SLC9C1: variants seen among roughly 807,000 people sequenced by gnomAD.
SLC9C1 encodes sodium/hydrogen exchanger 10.
Under a neutral mutation model 140.9 loss-of-function variants are expected in SLC9C1, and 97 were observed. The observed-to-expected ratio is 0.69, with a 90% confidence interval of 0.58 to 0.82. The LOEUF (loss-of-function observed/expected upper bound fraction) is 0.82. Among genes scored for constraint, SLC9C1 ranks in the 40% least tolerant of loss-of-function variants. SLC9C1 has a pLI of 0.00. For missense variants in SLC9C1, 1,340 were observed against 1,389.3 expected (o/e 0.96, Z 0.56); for synonymous variants, 440 against 442.6 (o/e 0.99, Z 0.07).
intron 20 of SLC9C1, among the ~76,000 whole-genome samples, chr3:112,188,289 G>T (rs2077578249): frequency 6.6e-6 from 1 of 152,076 alleles, no homozygotes; most frequent in Non-Finnish European, 1.5e-5. Flanking sequence ...ACAACGTGCA[G>T]GTTTGTTACA....
intron 23 of SLC9C1, among the ~76,000 whole-genome samples, chr3:112,172,724 G>C (rs1016589824): frequency 1.3e-5 from 2 of 152,004 alleles, no homozygotes; most frequent in African/African-American, 4.8e-5. Flanking sequence ...ATTCTATTCT[G>C]AGTTTTTGGA....
intron 13 of SLC9C1, among the ~76,000 whole-genome samples, chr3:112,230,599 G>A (rs1363984619): frequency 2.0e-5 from 3 of 152,142 alleles, no homozygotes; most frequent in Non-Finnish European, 2.9e-5. Context: ...TACTGTTGAA[G>A]AGAGAACAAT....
chr3:112,268,660 T>A (rs2079987914), intron 7 of SLC9C1, among the ~76,000 whole-genome samples: 1 of 152,234 alleles, frequency 6.6e-6, no homozygotes, highest in African/African-American at 2.4e-5. Context: ...TCTGTTGAAT[T>A]TTCTATATGA....
intron 28 of SLC9C1, among the ~76,000 whole-genome samples, chr3:112,145,127 T>C (rs2074747997): frequency 6.6e-6 from 1 of 152,170 alleles, no homozygotes; most frequent in Non-Finnish European, 1.5e-5. Context: ...TTGAGGTGTG[T>C]CCCTTCAGTG....
intron 27 of SLC9C1, 38 bp downstream of exon 27, chr3:112,154,959 C>T: frequency 6.3e-7 from 1 of 1,581,100 alleles, no homozygotes; most frequent in Non-Finnish European, 8.6e-7. Flanking sequence ...TCTCTTTTAC[C>T]CAAAATACAA....
In SLC9C1 at chr3:112,278,727, A is replaced by G. The variant is rs1576512212; in HGVS notation, c.318+2T>C. On this transcript the variant is annotated splice_donor_variant, in intron 4 of 28. Transcript: ENST00000305815. LOFTEE classifies it high-confidence loss of function. ...ATGATATTACCAAAAAAGAATGCTT[A>G]CCTGCCAAAATAACTTTTGAAGCAT... The G allele has an allele frequency of 6.3e-7, 1 of 1,595,212 alleles. No individual in the cohort carries two copies. The highest frequency in any genetic ancestry group is 1.8e-5 in the Admixed American group (1 of 54,494).
intron 10 of SLC9C1, among the ~76,000 whole-genome samples, chr3:112,250,374 C>T (rs1340374653): frequency 2.0e-5 from 3 of 149,856 alleles, no homozygotes; most frequent in Non-Finnish European, 3.0e-5. Flanking sequence ...AATAAACATA[C>T]CTGTGCATGT....
At chr3:112,251,219 C>A (rs1175716571) in intron 10 of SLC9C1, among the ~76,000 whole-genome samples, 1 of 152,056 alleles carries the variant, frequency 6.6e-6, no homozygotes, top group Non-Finnish European at 1.5e-5. Flanking sequence ...AAACTTGACC[C>A]ACAGAGAACA....
intron 28 of SLC9C1, 106 bp from the exon 29 acceptor site, chr3:112,141,387 A>C: frequency 8.8e-7 from 1 of 1,142,382 alleles, no homozygotes; most frequent in Non-Finnish European, 1.2e-6. Flanking sequence ...TTTGACTCCC[A>C]TAAGACACAC....
intron 23 of SLC9C1, 134 bp from the exon 24 acceptor site, chr3:112,169,462 A>G (rs2077204979): frequency 1.2e-6 from 1 of 834,508 alleles, no homozygotes; most frequent in African/African-American, 1.7e-5. Context: ...ATGGAAACTT[A>G]GTAAAATGTG....
At chr3:112,156,102 C>A (rs2075120439) in intron 26 of SLC9C1, among the ~76,000 whole-genome samples, 2 of 151,862 alleles carry the variant, frequency 1.3e-5, no homozygotes, top group African/African-American at 2.4e-5. Flanking sequence ...GAACTTTTCC[C>A]CTCTAACTGT....
chr3:112,217,162 A>G (rs1347482121), intron 15 of SLC9C1, among the ~76,000 whole-genome samples: 1 of 152,012 alleles, frequency 6.6e-6, no homozygotes, highest in Non-Finnish European at 1.5e-5. Flanking sequence ...CAATGAGAAC[A>G]CTTGGACACA....
chr3:112,164,768 G>A (rs1443554676), intron 26 of SLC9C1, among the ~76,000 whole-genome samples: 2 of 151,720 alleles, frequency 1.3e-5, no homozygotes, highest in Admixed American at 6.6e-5. Context: ...TGCTCTTCTT[G>A]AGGAGTATCT....
intron 25 of SLC9C1, among the ~76,000 whole-genome samples, 163 bp downstream of exon 25, chr3:112,168,714 G>A (rs938446406): frequency 1.1e-4 from 17 of 152,332 alleles, no homozygotes; most frequent in African/African-American, 4.1e-4. Flanking sequence ...GTGGGCCTAT[G>A]TGGGTGTGGT....
intron 2 of SLC9C1, among the ~76,000 whole-genome samples, chr3:112,281,724 TAAG>T (rs1463500789): frequency 6.6e-6 from 1 of 152,212 alleles, no homozygotes; most frequent in Non-Finnish European, 1.5e-5. Flanking sequence ...TCTGAAGCAT[TAAG>T]AAGAATAAGA....
chr3:112,157,048 T>C (rs2075145245), intron 26 of SLC9C1, among the ~76,000 whole-genome samples: 1 of 152,158 alleles, frequency 6.6e-6, no homozygotes, highest in Non-Finnish European at 1.5e-5. Flanking sequence ...TTGTTTATTT[T>C]GGCTTTGGTT....
chr3:112,141,403 C>A lies in SLC9C1; in HGVS notation c.3525-122G>T. ...TTGACTCCCATAAGACACACTTGGT[C>A]ATTTTTGTTAAGGCCAAGGAAGGAA... On this transcript the variant is annotated intron_variant, in intron 28 of 28. Transcript: ENST00000305815. The A allele has an allele frequency of 4.1e-6, 4 of 971,724 alleles. No homozygotes were observed. In the South Asian group the frequency reaches 7.2e-5, roughly 18 times the overall value. The allele number at this position is 971,724 out of a possible 1,614,324, so 60.2% of individuals were successfully genotyped here. A position where few individuals can be genotyped will look rare whatever the true frequency, so the allele number is the denominator to read the frequency against.
At chr3:112,268,632 C>G (rs984111136) in intron 7 of SLC9C1, among the ~76,000 whole-genome samples, 1 of 152,278 alleles carries the variant, frequency 6.6e-6, no homozygotes, top group Non-Finnish European at 1.5e-5. Context: ...GTCTTGCTGA[C>G]TTTGTTTACC....
At chr3:112,184,413 G>C (rs1292449651) in intron 20 of SLC9C1, among the ~76,000 whole-genome samples, 4 of 127,340 alleles carry the variant, frequency 3.1e-5, no homozygotes, top group Non-Finnish European at 5.0e-5. Context: ...CAAGGCAGGT[G>C]GATCACTTGA....
Sources: gnomAD v4.1 joint callset for allele counts (sites outside exome capture counted in the v4.1 genomes callset) on GRCh38, gnomAD v4.1.1 for gene constraint, MANE v1.5 for transcripts, NCBI Gene and HGNC (gene_info 2026-07-23, HGNC 2026-07-21) for gene names.